Variants in KCNJ3 observed in about 807,000 individuals in gnomAD.
KCNJ3 encodes potassium inwardly rectifying channel subfamily J member 3.
A neutral mutation model predicts 39.2 loss-of-function variants in KCNJ3; 4 were observed. That is an observed-to-expected ratio of 0.10 (90% confidence interval 0.05 to 0.23). KCNJ3 has a LOEUF of 0.23. KCNJ3 is among the 10% of genes least tolerant of loss of function. The probability of loss-of-function intolerance (pLI) is 1.00; values close to 1 mark genes in which losing one functional copy is unlikely to be tolerated. For synonymous variants in KCNJ3, 230 were observed against 237.4 expected (o/e 0.97, Z 0.29); for missense variants, 276 against 634.9 (o/e 0.43, Z 6.08).
chr2:154,771,539 A>G (rs931538033), intron 2 of KCNJ3, among the ~76,000 whole-genome samples: 2 of 152,176 alleles, frequency 1.3e-5, no homozygotes, highest in Admixed American at 6.5e-5. Context: ...GGGTAGCTAA[A>G]GGTATAAAAA....
chr2:154,766,655 G>A (rs1380731608), intron 2 of KCNJ3, among the ~76,000 whole-genome samples: 2 of 151,872 alleles, frequency 1.3e-5, no homozygotes, highest in Non-Finnish European at 2.9e-5. Flanking sequence ...CACCGGGTTC[G>A]ACTGATTCTT....
intron 2 of KCNJ3, among the ~76,000 whole-genome samples, chr2:154,776,186 G>C (rs1574458201): frequency 6.6e-6 from 1 of 151,988 alleles, no homozygotes; most frequent in East Asian, 1.9e-4. Context: ...ATTTTTAGTA[G>C]AGATGGGGTT....
intron 2 of KCNJ3, among the ~76,000 whole-genome samples, chr2:154,737,711 A>G (rs1015784304): frequency 2.0e-5 from 3 of 152,218 alleles, no homozygotes; most frequent in African/African-American, 7.2e-5. Context: ...ACATTGCAGA[A>G]GGAAAGACTG....
intron 2 of KCNJ3, among the ~76,000 whole-genome samples, chr2:154,845,281 G>A (rs1459478994): frequency 5.3e-5 from 8 of 151,976 alleles, no homozygotes; most frequent in Non-Finnish European, 1.0e-4. Context: ...ACCACGCCCA[G>A]CTGATTTTTG....
intron 2 of KCNJ3, among the ~76,000 whole-genome samples, chr2:154,850,898 T>G (rs1000887784): frequency 4.6e-5 from 7 of 152,160 alleles, no homozygotes; most frequent in Admixed American, 4.6e-4. Context: ...ATATCAGTAA[T>G]GTAACTTTTT....
chr2:154,792,092 G>T (rs909643534), intron 2 of KCNJ3, among the ~76,000 whole-genome samples: 2 of 152,004 alleles, frequency 1.3e-5, no homozygotes, highest in Non-Finnish European at 2.9e-5. Flanking sequence ...CCGTCATCTT[G>T]TGCTCCTACT....
At chr2:154,849,952 A>C (rs1192102852) in intron 2 of KCNJ3, among the ~76,000 whole-genome samples, 2 of 150,652 alleles carry the variant, frequency 1.3e-5, no homozygotes, top group South Asian at 4.2e-4. Flanking sequence ...TACACTAAAC[A>C]ATAATATATA....
chr2:154,833,730 A>G (rs956049736), intron 2 of KCNJ3, among the ~76,000 whole-genome samples: 1 of 152,152 alleles, frequency 6.6e-6, no homozygotes, highest in Non-Finnish European at 1.5e-5. Flanking sequence ...GCAATCACTG[A>G]TCTTTCTACT....
At chr2:154,847,713 TCATTTAATTC>T (rs1409604990) in intron 2 of KCNJ3, among the ~76,000 whole-genome samples, 4 of 152,218 alleles carry the variant, frequency 2.6e-5, no homozygotes, top group African/African-American at 9.6e-5. Context: ...TCACTTAATT[TCATTTAATTC>T]TCACAATCTT....
intron 2 of KCNJ3, among the ~76,000 whole-genome samples, chr2:154,815,295 G>T (rs2652456): frequency 1.3e-5 from 2 of 151,734 alleles, no homozygotes; most frequent in Non-Finnish European, 2.9e-5. Context: ...ATTAATTCAG[G>T]TATAGACAAT....
intron 2 of KCNJ3, among the ~76,000 whole-genome samples, chr2:154,734,074 CT>C (rs1685485360): frequency 6.6e-6 from 1 of 152,114 alleles, no homozygotes; most frequent in Non-Finnish European, 1.5e-5. Flanking sequence ...TTGGAAGAGC[CT>C]TATGCAAGGG....
In KCNJ3 at chr2:154,826,023, C is replaced by A. The variant is rs1574476597; in HGVS notation, c.920-28704C>A. ...AATTACCTAATATAAACTCACAATT[C>A]ATTCTATTGAAACAAATCCTTGATA... is the stretch of plus-strand genomic sequence containing the variant. On this transcript the variant is annotated intron_variant, in intron 2 of 2. Coordinates refer to ENST00000295101, the MANE Select transcript of KCNJ3 (RefSeq NM_002239.4). Among the ~76,000 whole-genome samples, 5 of 152,112 alleles carry A rather than the reference C, an allele frequency of 3.3e-5. No individual in the cohort carries two copies. The South Asian group carries it at 8.3e-4, about 25-fold the overall frequency.
At chr2:154,743,619 A>G (rs1685688580) in intron 2 of KCNJ3, among the ~76,000 whole-genome samples, 2 of 150,984 alleles carry the variant, frequency 1.3e-5, no homozygotes, top group Non-Finnish European at 3.0e-5. Flanking sequence ...TTTAGTGTCT[A>G]TATGCTCATT....
chr2:154,712,245 T>C (rs1685111589), intron 2 of KCNJ3, among the ~76,000 whole-genome samples: 1 of 152,196 alleles, frequency 6.6e-6, no homozygotes, highest in Admixed American at 6.5e-5. Context: ...CATTTGATCA[T>C]TTAAAATTTT....
At chr2:154,736,356 G>T (rs1685528413) in intron 2 of KCNJ3, among the ~76,000 whole-genome samples, 1 of 122,208 alleles carries the variant, frequency 8.2e-6, no homozygotes, top group African/African-American at 3.2e-5. Context: ...GGAAGAGAGT[G>T]ACAGGAGTCA....
intron 2 of KCNJ3, among the ~76,000 whole-genome samples, chr2:154,809,074 G>A (rs1168121409): frequency 6.6e-6 from 1 of 152,106 alleles, no homozygotes; most frequent in African/African-American, 2.4e-5. Flanking sequence ...GCTGGAGTTT[G>A]GCTAATCAGC....
At chr2:154,793,696 CACACAT>C (rs1161442497) in intron 2 of KCNJ3, among the ~76,000 whole-genome samples, 3 of 152,136 alleles carry the variant, frequency 2.0e-5, no homozygotes, top group Admixed American at 2.0e-4. Flanking sequence ...TTCTGATAAA[CACACAT>C]ACACACATAA....
At chr2:154,840,296 T>C (rs1412187335) in intron 2 of KCNJ3, among the ~76,000 whole-genome samples, 1 of 152,216 alleles carries the variant, frequency 6.6e-6, no homozygotes, top group Middle Eastern at 3.2e-3. Flanking sequence ...TCCATTGGTC[T>C]ATATCTCTGT....
intron 2 of KCNJ3, among the ~76,000 whole-genome samples, chr2:154,741,968 A>G (rs1170684995): frequency 6.6e-6 from 1 of 151,754 alleles, no homozygotes; most frequent in African/African-American, 2.4e-5. Flanking sequence ...AATCGTCACT[A>G]TCATCCCTCT....
Sources: gnomAD v4.1 joint callset for allele counts (sites outside exome capture counted in the v4.1 genomes callset) on GRCh38, gnomAD v4.1.1 for gene constraint, MANE v1.5 for transcripts, NCBI Gene and HGNC (gene_info 2026-07-23, HGNC 2026-07-21) for gene names.